The following GPC6 variants were observed in gnomAD, a reference collection of about 807,000 sequenced individuals.
GPC6 encodes the protein glypican 6.
GPC6 carries 14 observed loss-of-function variants against 55.2 expected under a neutral mutation model. The observed-to-expected ratio is 0.25, with a 90% confidence interval of 0.17 to 0.40. The LOEUF (loss-of-function observed/expected upper bound fraction) is 0.40. Among genes scored for constraint, GPC6 ranks in the 10% least tolerant of loss-of-function variants. The pLI is 1.00. For synonymous variants in GPC6, 278 were observed against 259.6 expected (o/e 1.07, Z -0.68); for missense variants, 641 against 708.5 (o/e 0.90, Z 1.08).
intron 4 of GPC6, among the ~76,000 whole-genome samples, chr13:94,269,345 T>A (rs911470611): frequency 6.6e-6 from 1 of 152,206 alleles, no homozygotes; most frequent in African/African-American, 2.4e-5. Flanking sequence ...CATTGTGGTT[T>A]CAGGATGGAT....
At chr13:94,149,056 T>C (rs1382288019) in intron 4 of GPC6, among the ~76,000 whole-genome samples, 1 of 152,148 alleles carries the variant, frequency 6.6e-6, no homozygotes, top group African/African-American at 2.4e-5. Flanking sequence ...GGCTTACAGA[T>C]CCTGGAATTT....
At chr13:93,309,752 T>TG (rs1023833360) in intron 1 of GPC6, among the ~76,000 whole-genome samples, 2 of 152,154 alleles carry the variant, frequency 1.3e-5, no homozygotes, top group Admixed American at 1.3e-4. Context: ...GGTGATCATG[T>TG]GGGGATATAA....
intron 3 of GPC6, among the ~76,000 whole-genome samples, chr13:94,018,069 C>T (rs1406769766): frequency 1.3e-5 from 2 of 152,020 alleles, no homozygotes; most frequent in African/African-American, 4.8e-5. Flanking sequence ...CATAAATGTC[C>T]ATTATCATGT....
At chr13:93,322,015 G>T (rs1191964605) in intron 1 of GPC6, among the ~76,000 whole-genome samples, 3 of 152,022 alleles carry the variant, frequency 2.0e-5, no homozygotes, top group Admixed American at 6.6e-5. Context: ...ATTGCAGATT[G>T]GTTCTCTCAT....
At chr13:93,490,691 C>T (rs1192355495) in intron 1 of GPC6, among the ~76,000 whole-genome samples, 1 of 100,602 alleles carries the variant, frequency 9.9e-6, no homozygotes, top group Non-Finnish European at 1.9e-5. Flanking sequence ...CACCACAGTC[C>T]CCAGAGTGTG....
chr13:94,131,380 G>A lies in GPC6; in HGVS notation c.877+103486G>A, dbSNP rs1886995637. On this transcript the variant is annotated intron_variant, in intron 4 of 8. Coordinates refer to ENST00000377047, the MANE Select transcript of GPC6 (RefSeq NM_005708.5). The stretch of plus-strand genomic sequence containing the variant: ...CCTGTGATAGTTATTTCACTTTACA[G>A]AGAAAATACTAACTCATTGGTAAAA... Among the ~76,000 whole-genome samples the A allele has an allele frequency of 2.0e-5, 3 of 152,122 alleles. No homozygotes were observed. In the South Asian group the frequency reaches 6.2e-4, roughly 32 times the overall value.
chr13:93,268,127 A>T (rs1011348683), intron 1 of GPC6, among the ~76,000 whole-genome samples: 1 of 152,172 alleles, frequency 6.6e-6, no homozygotes, highest in Non-Finnish European at 1.5e-5. Context: ...AATATTTTAA[A>T]GTGGGTTATA....
At chr13:93,402,124 C>T (rs1876112968) in intron 1 of GPC6, among the ~76,000 whole-genome samples, 1 of 152,052 alleles carries the variant, frequency 6.6e-6, no homozygotes. Flanking sequence ...GCTTAAAATC[C>T]ATGATTTTTA....
chr13:93,972,763 C>G (rs9524294), intron 3 of GPC6, among the ~76,000 whole-genome samples: 34,359 of 152,074 alleles, frequency 0.23, 4,362 homozygotes, highest in East Asian at 0.39. Flanking sequence ...TAGGCCCCTT[C>G]ACCCCAATGA....
At chr13:93,701,882 T>C (rs1246332970) in intron 2 of GPC6, among the ~76,000 whole-genome samples, 1 of 152,064 alleles carries the variant, frequency 6.6e-6, no homozygotes, top group Non-Finnish European at 1.5e-5. Context: ...TTGCTAGTTC[T>C]TCCACTTTTG....
chr13:94,000,191 A>G (rs1416613834), intron 3 of GPC6, among the ~76,000 whole-genome samples: 1 of 152,170 alleles, frequency 6.6e-6, no homozygotes, highest in Non-Finnish European at 1.5e-5. Context: ...AGACATGTAG[A>G]TAGTACGTTC....
intron 3 of GPC6, among the ~76,000 whole-genome samples, chr13:93,947,701 C>G (rs991446465): frequency 3.3e-5 from 5 of 151,942 alleles, no homozygotes; most frequent in African/African-American, 1.2e-4. Context: ...GATTGATTCC[C>G]CGTACAAAAG....
chr13:93,576,454 A>G (rs1400332082), intron 2 of GPC6, among the ~76,000 whole-genome samples: 3 of 152,208 alleles, frequency 2.0e-5, no homozygotes, highest in Non-Finnish European at 4.4e-5. Flanking sequence ...ACACATCTGT[A>G]TAATTCTTTT....
At chr13:93,826,556 T>TA (rs1207959457) in intron 2 of GPC6, among the ~76,000 whole-genome samples, 1 of 152,218 alleles carries the variant, frequency 6.6e-6, no homozygotes, top group Non-Finnish European at 1.5e-5. Context: ...ATATAGTACT[T>TA]AATCCAATCC....
chr13:94,368,479 A>T (rs1193458995), intron 6 of GPC6, among the ~76,000 whole-genome samples: 1 of 152,212 alleles, frequency 6.6e-6, no homozygotes, highest in Admixed American at 6.5e-5. Flanking sequence ...TACATTACAG[A>T]GGGGCCAATC....
chr13:94,349,106 A>G (rs1878417013), intron 6 of GPC6, among the ~76,000 whole-genome samples: 3 of 152,234 alleles, frequency 2.0e-5, no homozygotes, highest in African/African-American at 7.2e-5. Flanking sequence ...GAAAAGCCCC[A>G]GTCACCTACA....
chr13:93,474,486 A>G (rs549309923), intron 1 of GPC6, among the ~76,000 whole-genome samples: 1 of 152,174 alleles, frequency 6.6e-6, no homozygotes, highest in Admixed American at 6.5e-5. Context: ...GACTTTAGTT[A>G]CCACTGTTTA....
intron 1 of GPC6, among the ~76,000 whole-genome samples, chr13:93,539,843 C>T (rs1370269720): frequency 1.3e-5 from 2 of 152,028 alleles, no homozygotes; most frequent in South Asian, 4.1e-4. Context: ...AAGCATGCGC[C>T]ACCACTCCCG....
chr13:93,400,475 G>A (rs1017688373), intron 1 of GPC6, among the ~76,000 whole-genome samples: 1 of 79,602 alleles, frequency 1.3e-5, no homozygotes, highest in African/African-American at 4.6e-5. Flanking sequence ...GGACAGGGTG[G>A]GGGGAGGTGG....
Sources: allele counts gnomAD v4.1 joint callset (sites outside exome capture counted in the v4.1 genomes callset), GRCh38; gene constraint gnomAD v4.1.1; transcripts MANE v1.5; gene names NCBI Gene and HGNC (gene_info 2026-07-23, HGNC 2026-07-21).